RERE: variants seen among roughly 807,000 people sequenced by gnomAD.
RERE encodes the protein arginine-glutamic acid dipeptide repeats, also known as arginine-glutamic acid dipeptide repeats protein.
A neutral mutation model predicts 146.1 loss-of-function variants in RERE; 40 were observed. The observed-to-expected ratio is 0.27, with a 90% CI of 0.21 to 0.36. The LOEUF (loss-of-function observed/expected upper bound fraction) is 0.36. Ranked by LOEUF, RERE falls within the 10% of genes least tolerant of loss-of-function variation. The pLI is 1.00. For synonymous variants in RERE, 1,003 were observed against 866.0 expected, an observed-to-expected ratio of 1.16 and a Z score of -2.78; for missense variants, 1,933 against 2,138.7, an observed-to-expected ratio of 0.90 and a Z score of 1.90.
intron 11 of RERE, among the ~76,000 whole-genome samples, chr1:8,437,479 T>A: frequency 6.6e-6 from 1 of 152,062 alleles, no homozygotes; most frequent in Non-Finnish European, 1.5e-5. Context: ...GCCTACCCCA[T>A]GCAGGATGGC....
intron 1 of RERE, among the ~76,000 whole-genome samples, chr1:8,665,386 C>A (rs1305683020): frequency 6.6e-6 from 1 of 152,228 alleles, no homozygotes; most frequent in Non-Finnish European, 1.5e-5. Flanking sequence ...TTCCTTAACT[C>A]ACTGCCTGGC....
intron 1 of RERE, among the ~76,000 whole-genome samples, chr1:8,789,608 C>T (rs1641328164): frequency 6.6e-6 from 1 of 152,062 alleles, no homozygotes; most frequent in Non-Finnish European, 1.5e-5. Context: ...CTTATTACCT[C>T]GCCCCAATTC....
intron 11 of RERE, among the ~76,000 whole-genome samples, chr1:8,430,922 G>A (rs1487043342): frequency 6.6e-6 from 1 of 152,212 alleles, no homozygotes; most frequent in Non-Finnish European, 1.5e-5. Flanking sequence ...GTAACAGAGT[G>A]CGTGTGAGCT....
At chr1:8,746,721 C>T (rs1305348132) in intron 1 of RERE, among the ~76,000 whole-genome samples, 2 of 149,304 alleles carry the variant, frequency 1.3e-5, no homozygotes, top group African/African-American at 2.5e-5. Flanking sequence ...GCCAAAGAAA[C>T]AGTTATAAGA....
intron 1 of RERE, among the ~76,000 whole-genome samples, chr1:8,789,297 AAAAAAT>A (rs1557544101): frequency 1.6e-5 from 1 of 64,162 alleles, no homozygotes; most frequent in African/African-American, 7.1e-5. Flanking sequence ...AAAAAAAAAA[AAAAAAT>A]ATATATATAT....
chr1:8,519,337 C>T (rs1205319860), intron 7 of RERE, among the ~76,000 whole-genome samples: 1 of 152,092 alleles, frequency 6.6e-6, no homozygotes, highest in Non-Finnish European at 1.5e-5. Context: ...GAGGCTGACA[C>T]AAGAGGATCA....
intron 4 of RERE, among the ~76,000 whole-genome samples, chr1:8,587,863 T>C (rs1241036876): frequency 2.6e-5 from 4 of 152,224 alleles, no homozygotes; most frequent in African/African-American, 7.2e-5. Flanking sequence ...AGCTCGTACT[T>C]TGACTAAGTC....
intron 1 of RERE, among the ~76,000 whole-genome samples, chr1:8,727,854 A>G (rs1371312949): frequency 1.3e-5 from 2 of 152,248 alleles, no homozygotes; most frequent in Non-Finnish European, 2.9e-5. Flanking sequence ...CACCCCAAAC[A>G]GAATCTTCTA....
At chr1:8,728,097 T>C (rs1282237517) in intron 1 of RERE, among the ~76,000 whole-genome samples, 25 of 152,208 alleles carry the variant, frequency 1.6e-4, no homozygotes, top group Non-Finnish European at 2.9e-5. Flanking sequence ...GTTCCTGCCT[T>C]TTCTCTTGCC....
chr1:8,360,195 A>G lies in RERE; in HGVS notation c.3312T>C (p.Pro1104=), dbSNP rs775043267. The change falls in exon 18 of 23, where the codon CCT becomes CCC. Residue 1104 remains proline, a synonymous_variant. Coordinates refer to ENST00000400908, the MANE Select transcript of RERE (RefSeq NM_001042681.2). ...KEEALDDAEE[P]ESPPPPPRSP... ...TCCTTGGTGGGGGAGGGGGGCTCTC[A>G]GGCTCCTCAGCGTCGTCCAGAGCCT... The G allele has an allele frequency of 3.2e-5, 51 of 1,595,990 alleles. No individual in the cohort carries two copies. Among genetic ancestry groups the G allele is most frequent in the Non-Finnish European group, 3.7e-5 (43 of 1,172,464 alleles).
intron 1 of RERE, among the ~76,000 whole-genome samples, chr1:8,767,732 C>G (rs1194824019): frequency 6.6e-6 from 1 of 151,996 alleles, no homozygotes; most frequent in Non-Finnish European, 1.5e-5. Flanking sequence ...GAGGCCAAGG[C>G]AGGCGGATCA....
At chr1:8,646,655 G>A (rs532735925) in intron 2 of RERE, among the ~76,000 whole-genome samples, 134 of 152,248 alleles carry the variant, frequency 8.8e-4, no homozygotes, top group African/African-American at 3.2e-3. Context: ...TAAGTAAGGT[G>A]AGCCCTAATC....
Position 8,423,752 on chromosome 1 carries a change from G to A in RERE, c.1204-945C>T, listed in dbSNP as rs1643955822. 2 of 929,960 alleles carry A rather than the reference G, an allele frequency of 2.2e-6. No individual in the cohort carries two copies. The allele number at this position is 929,960 out of a possible 1,614,324, so 57.6% of individuals were successfully genotyped here. ...GCGGCGCGGGGCCCGGGGGGCGCGG[G>A]GCTGGGGCCGCCGCTGACGGGGGAG... On this transcript the variant is annotated intron_variant, in intron 11 of 22. Coordinates refer to ENST00000400908, the MANE Select transcript of RERE (RefSeq NM_001042681.2). This position sits in a 1 kb window ranked among gnomAD's most constrained non-coding sequence, Gnocchi z 5.4.
chr1:8,795,238 C>T (rs1003039575), intron 1 of RERE, among the ~76,000 whole-genome samples: 6 of 151,798 alleles, frequency 4.0e-5, no homozygotes, highest in Non-Finnish European at 8.8e-5. Flanking sequence ...GTTGGCCAGG[C>T]TGGTCTCGAA....
At chr1:8,482,681 C>CAAAAAAAAAAAAAAAAAAAAAAAAA (rs35501735) in intron 10 of RERE, among the ~76,000 whole-genome samples, 1 of 51,212 alleles carries the variant, frequency 2.0e-5, no homozygotes, top group Non-Finnish European at 4.4e-5. Context: ...GATTCTGTTG[C>CAAAAAAAAAAAAAAAAAAAAAAAAA]AAAAAAAAAA....
intron 7 of RERE, chr1:8,525,864 A>G (rs1645564116): frequency 6.8e-7 from 1 of 1,480,242 alleles, no homozygotes; most frequent in Non-Finnish European, 8.9e-7. Flanking sequence ...TTCTACACTA[A>G]CAACTCAAAA....
At position 8,360,567 on chromosome 1, in the gene RERE, G is replaced by C; in HGVS notation, c.2940C>G (p.Pro980=). Residue 980 remains proline (P), a synonymous_variant, in exon 18 of 23, where the codon CCC becomes CCG. Coordinates refer to ENST00000400908, the MANE Select transcript of RERE (RefSeq NM_001042681.2). ...GCAGGGGTGGGGGGTGAGCCGACGG[G>C]GGGTGATGTGTGGACAGGGAGCTCA... is the stretch of plus-strand genomic sequence containing the variant. ...KPLSSLSTHH[P]PSAHPPPLQL... is the part of the protein sequence containing the mutation. 1 of 1,252,750 alleles carries C rather than the reference G, an allele frequency of 8.0e-7. No individual in the cohort carries two copies. Among genetic ancestry groups the C allele is most frequent in the Non-Finnish European group, 1.1e-6 (1 of 922,856 alleles). The allele number at this position is 1,252,750 out of a possible 1,614,324, so 77.6% of individuals were successfully genotyped here. A position where few individuals can be genotyped will look rare whatever the true frequency, so the allele number is the denominator to read the frequency against.
At chr1:8,570,214 G>A (rs1463031485) in intron 4 of RERE, among the ~76,000 whole-genome samples, 2 of 152,024 alleles carry the variant, frequency 1.3e-5, no homozygotes, top group Admixed American at 6.5e-5. Context: ...GCTCGTGCCT[G>A]TAGTCCCAGC....
intron 1 of RERE, among the ~76,000 whole-genome samples, chr1:8,747,490 T>G (rs1180769315): frequency 1.3e-5 from 2 of 152,040 alleles, no homozygotes. Context: ...CACCCTAATT[T>G]TTTTTGCTAC....
Sources: gnomAD v4.1 joint callset for allele counts (sites outside exome capture counted in the v4.1 genomes callset) on GRCh38, gnomAD v4.1.1 for gene constraint, Gnocchi (gnomAD v3.1) non-coding constraint, MANE v1.5 for transcripts, NCBI Gene and HGNC (gene_info 2026-07-23, HGNC 2026-07-21) for gene names.